SNTG1: variants seen among roughly 807,000 people sequenced by gnomAD.
SNTG1 encodes syntrophin gamma 1, also known as gamma-1-syntrophin.
A neutral mutation model predicts 74.7 loss-of-function variants in SNTG1; 39 were observed. The ratio of observed to expected loss-of-function variants is 0.52; its 90% CI spans 0.40 to 0.68. The LOEUF (loss-of-function observed/expected upper bound fraction) is 0.68. Among genes scored for constraint, SNTG1 ranks in the 30% least tolerant of loss-of-function variants. The pLI, the probability that SNTG1 is intolerant of heterozygous loss-of-function variation, is 0.00. For synonymous variants in SNTG1, 254 were observed against 217.1 expected, an observed-to-expected ratio of 1.17 and a Z score of -1.49; for missense variants, 685 against 609.5, an observed-to-expected ratio of 1.12 and a Z score of -1.30.
chr8:50,347,185 A>T (rs1439450805), intron 2 of SNTG1, among the ~76,000 whole-genome samples: 1 of 152,202 alleles, frequency 6.6e-6, no homozygotes, highest in Non-Finnish European at 1.5e-5. Context: ...TCTTGTTAGG[A>T]GCTAATGCAG....
At chr8:50,004,152 C>T (rs1462246537) in intron 1 of SNTG1, among the ~76,000 whole-genome samples, 1 of 152,050 alleles carries the variant, frequency 6.6e-6, no homozygotes, top group East Asian at 1.9e-4. Flanking sequence ...TGTAAGGAGT[C>T]AGTATGAAAA....
intron 12 of SNTG1, among the ~76,000 whole-genome samples, chr8:50,567,198 A>G (rs1294642409): frequency 6.6e-6 from 1 of 152,116 alleles, no homozygotes; most frequent in East Asian, 1.9e-4. Flanking sequence ...TCTGTACTGC[A>G]GTTTCCTCCT....
intron 1 of SNTG1, among the ~76,000 whole-genome samples, chr8:49,952,663 A>G (rs1226702411): frequency 6.6e-6 from 1 of 152,226 alleles, no homozygotes; most frequent in East Asian, 1.9e-4. Context: ...GGGATGAGGC[A>G]GTGATAGGAT....
intron 1 of SNTG1, among the ~76,000 whole-genome samples, chr8:50,051,097 G>A (rs2130877210): frequency 6.6e-6 from 1 of 152,118 alleles, no homozygotes; most frequent in South Asian, 2.1e-4. Flanking sequence ...ACAAGGATAT[G>A]TGCTCTTGCC....
At chr8:50,394,799 T>A (rs2092706152) in intron 3 of SNTG1, among the ~76,000 whole-genome samples, 5 of 151,504 alleles carry the variant, frequency 3.3e-5, no homozygotes, top group Admixed American at 3.3e-4. Context: ...TGCATGGATG[T>A]GGGCCCCCAG....
At chr8:50,320,768 AC>A (rs138369460) in intron 2 of SNTG1, among the ~76,000 whole-genome samples, 1,916 of 151,854 alleles carry the variant, frequency 0.013, 43 homozygotes, top group African/African-American at 0.044. Context: ...TTCTTCATTG[AC>A]CCACTCATCA....
At chr8:50,460,983 G>A (rs1193549815) in intron 8 of SNTG1, among the ~76,000 whole-genome samples, 1 of 151,964 alleles carries the variant, frequency 6.6e-6, no homozygotes, top group Non-Finnish European at 1.5e-5. Flanking sequence ...GATTTCATTA[G>A]TTTTTACCTA....
At chr8:50,039,556 C>A (rs149922836) in intron 1 of SNTG1, among the ~76,000 whole-genome samples, 26 of 150,326 alleles carry the variant, frequency 1.7e-4, no homozygotes, top group Middle Eastern at 3.5e-3. Context: ...CATTGGGATG[C>A]ATCAACTGAT....
At chr8:50,180,460 C>A (rs948489311) in intron 2 of SNTG1, among the ~76,000 whole-genome samples, 1 of 152,016 alleles carries the variant, frequency 6.6e-6, no homozygotes, top group Non-Finnish European at 1.5e-5. Context: ...AGTAATAAAA[C>A]GTCTTGAAAC....
chr8:50,207,542 G>A (rs1045007066), intron 2 of SNTG1, among the ~76,000 whole-genome samples: 3 of 152,004 alleles, frequency 2.0e-5, no homozygotes, highest in Non-Finnish European at 4.4e-5. Context: ...ATTTTTTGAA[G>A]GGTTTTTTTG....
chr8:50,369,592 G>A (rs562969662), intron 2 of SNTG1, among the ~76,000 whole-genome samples: 73 of 140,898 alleles, frequency 5.2e-4, no homozygotes, highest in African/African-American at 1.4e-3. Context: ...GCAAAACTCC[G>A]TCCCAAAAAG....
chr8:50,116,752 G>C (rs1186222478), intron 1 of SNTG1, among the ~76,000 whole-genome samples: 2 of 152,112 alleles, frequency 1.3e-5, no homozygotes, highest in Non-Finnish European at 2.9e-5. Context: ...CATTTTGCTT[G>C]AGGAGTGCAG....
intron 13 of SNTG1, among the ~76,000 whole-genome samples, chr8:50,640,723 T>C (rs2095067306): frequency 6.6e-6 from 1 of 152,178 alleles, no homozygotes; most frequent in Admixed American, 6.5e-5. Flanking sequence ...CTTGATCTGC[T>C]CTTCTTTGAT....
chr8:50,685,627 A>T (rs73569472), intron 15 of SNTG1, among the ~76,000 whole-genome samples: 1 of 152,204 alleles, frequency 6.6e-6, no homozygotes, highest in African/African-American at 2.4e-5. Flanking sequence ...CATAATATAA[A>T]TCATATTCTT....
At chr8:50,759,884 A>C (rs2095592964) in intron 18 of SNTG1, among the ~76,000 whole-genome samples, 1 of 152,040 alleles carries the variant, frequency 6.6e-6, no homozygotes, top group Non-Finnish European at 1.5e-5. Flanking sequence ...CTGTGAAGAA[A>C]GTCAGTGGTA....
At chr8:50,279,531 T>A (rs1370689050) in intron 2 of SNTG1, among the ~76,000 whole-genome samples, 1 of 152,182 alleles carries the variant, frequency 6.6e-6, no homozygotes. Context: ...TTATCATATA[T>A]GTGTTTATGT....
intron 11 of SNTG1, among the ~76,000 whole-genome samples, chr8:50,551,845 C>T (rs1452396402): frequency 1.3e-5 from 2 of 152,096 alleles, no homozygotes; most frequent in Non-Finnish European, 2.9e-5. Flanking sequence ...ACCAGTTTCT[C>T]TAAAAATATT....
At chr8:50,526,091 T>A (rs1447213460) in intron 9 of SNTG1, among the ~76,000 whole-genome samples, 1 of 152,168 alleles carries the variant, frequency 6.6e-6, no homozygotes, top group East Asian at 1.9e-4. Flanking sequence ...TGGTTTCTTT[T>A]TCCTGACCTT....
At chr8:50,421,944 G>A (rs1019151391) in intron 4 of SNTG1, among the ~76,000 whole-genome samples, 2 of 152,144 alleles carry the variant, frequency 1.3e-5, no homozygotes, top group Non-Finnish European at 2.9e-5. Flanking sequence ...GGTTATGGGA[G>A]GGAGAAAGGA....
Sources: gnomAD v4.1 joint callset for allele counts (sites outside exome capture counted in the v4.1 genomes callset) on GRCh38, gnomAD v4.1.1 for gene constraint, MANE v1.5 for transcripts, NCBI Gene and HGNC (gene_info 2026-07-23, HGNC 2026-07-21) for gene names.